The following KCNQ5 variants were observed in gnomAD, a reference collection of about 807,000 sequenced individuals.
KCNQ5 encodes the protein potassium voltage-gated channel subfamily KQT member 5.
A neutral mutation model predicts 98.2 loss-of-function variants in KCNQ5; 30 were observed. That is an observed-to-expected ratio of 0.31 (90% CI 0.23 to 0.41). KCNQ5 has a LOEUF of 0.41. Among genes scored for constraint, KCNQ5 ranks in the 10% least tolerant of loss-of-function variants. The pLI is 1.00. For synonymous variants in KCNQ5, 458 were observed against 449.4 expected (o/e 1.02, Z -0.24); for missense variants, 835 against 1,182.5 (o/e 0.71, Z 4.31).
chr6:73,194,769 T>C lies in KCNQ5; in HGVS notation c.2154T>C (p.Ile718=). 1 of 1,614,190 alleles carries C rather than the reference T, an allele frequency of 6.2e-7. No homozygotes were observed. Among genetic ancestry groups the C allele is most frequent in the Non-Finnish European group, 8.5e-7 (1 of 1,180,036 alleles). Residue 718 remains isoleucine, a synonymous_variant, in exon 14 of 14, where the codon ATT becomes ATC. Transcript: ENST00000370398. ...ACAGTCAAGCAACACAGGTGCCAAT[T>C]AGTCAAAGCGATGGCTCAGCAGTGG... is the stretch of plus-strand genomic sequence containing the variant. The part of the protein sequence containing the change: ...TMHSQATQVP[I]SQSDGSAVAA...
In KCNQ5 at chr6:72,957,629, C is replaced by G. The variant is rs35193921; in HGVS notation, c.399-46279C>G. On this transcript the variant is annotated intron_variant, in intron 1 of 13. Transcript: ENST00000370398. Reference sequence around the variant, plus strand: ...GGAGAGCCACTGGTCAGGGTGATCTCCCTGTTTCCTTCCATGTCTACACTG... The same window carrying G: ...GGAGAGCCACTGGTCAGGGTGATCTGCCTGTTTCCTTCCATGTCTACACTG... 5.5e-3 allele frequency among the ~76,000 whole-genome samples: 830 copies of G among 152,182 alleles called. 5 individuals carry two copies. Among genetic ancestry groups the G allele is most frequent in the Non-Finnish European group, 9.4e-3 (641 of 68,006 alleles).
chr6:72,640,468 T>G, intron 1 of KCNQ5, among the ~76,000 whole-genome samples: 1 of 152,290 alleles, frequency 6.6e-6, no homozygotes, highest in East Asian at 1.9e-4. Context: ...ATAAGTGAAT[T>G]AGCATAACAC....
At chr6:72,840,318 T>C (rs1344124534) in intron 1 of KCNQ5, among the ~76,000 whole-genome samples, 2 of 152,194 alleles carry the variant, frequency 1.3e-5, no homozygotes, top group South Asian at 2.1e-4. Flanking sequence ...ATTTTTAGTA[T>C]TTTAAAGATC....
chr6:72,744,747 G>A (rs1771295831), intron 1 of KCNQ5, among the ~76,000 whole-genome samples: 1 of 151,932 alleles, frequency 6.6e-6, no homozygotes, highest in African/African-American at 2.4e-5. Context: ...GGAGGCAGAG[G>A]TTGCAGTGAG....
At chr6:72,833,629 T>C (rs543797945) in intron 1 of KCNQ5, among the ~76,000 whole-genome samples, 48 of 152,292 alleles carry the variant, frequency 3.2e-4, no homozygotes, top group African/African-American at 1.2e-3. Context: ...ATTAACTTTA[T>C]AAATAGTGAG....
At position 72,980,671 on chromosome 6, in the gene KCNQ5, C is replaced by A. The variant is rs191170080; in HGVS notation, c.399-23237C>A. On this transcript the variant is annotated intron_variant, in intron 1 of 13. Transcript: ENST00000370398. ...CTAATTGAATACCTTTTATTGCTTT[C>A]TCTTGCCTGATTGCCCTGGCCAGAA... Among the ~76,000 whole-genome samples, 525 of 152,326 alleles carry A rather than the reference C, an allele frequency of 3.4e-3. 3 individuals carry two copies. The highest frequency in any genetic ancestry group is 5.3e-3 in the Non-Finnish European group (360 of 68,030).
chr6:73,138,744 T>C (rs1369404897), intron 10 of KCNQ5, among the ~76,000 whole-genome samples: 1 of 152,142 alleles, frequency 6.6e-6, no homozygotes, highest in South Asian at 2.1e-4. Flanking sequence ...GTTCAGGAGA[T>C]GTTTAGGGTT....
intron 1 of KCNQ5, among the ~76,000 whole-genome samples, chr6:72,769,613 T>C (rs1582255766): frequency 3.3e-5 from 5 of 152,124 alleles, no homozygotes; most frequent in African/African-American, 1.2e-4. Context: ...CAATTTCCTG[T>C]AGAAATGCAC....
At chr6:73,134,683 T>C (rs1194489687) in intron 10 of KCNQ5, 1 of 152,414 alleles carries the variant, frequency 6.6e-6, no homozygotes, top group Non-Finnish European at 1.5e-5. Flanking sequence ...GTGGGTGCCA[T>C]GCTCTTCAGG....
At chr6:73,119,833 C>CA (rs1562190134) in intron 7 of KCNQ5, among the ~76,000 whole-genome samples, 1 of 152,112 alleles carries the variant, frequency 6.6e-6, no homozygotes, top group Non-Finnish European at 1.5e-5. Flanking sequence ...AGCATTTAAC[C>CA]AGTCAATCAT....
intron 10 of KCNQ5, among the ~76,000 whole-genome samples, chr6:73,145,887 A>G (rs9446852): frequency 0.2 from 29,749 of 152,160 alleles, 8,182 homozygotes; most frequent in African/African-American, 0.61. Flanking sequence ...GAAGAGCGAA[A>G]GGGAAGGAAG....
chr6:72,875,191 A>G (rs565377723), intron 1 of KCNQ5, among the ~76,000 whole-genome samples: 3 of 152,356 alleles, frequency 2.0e-5, no homozygotes, highest in East Asian at 1.9e-4. Context: ...TGACAACCTC[A>G]TCACAGTGAA....
At chr6:72,624,764 A>C (rs1379698975) in intron 1 of KCNQ5, among the ~76,000 whole-genome samples, 1 of 152,240 alleles carries the variant, frequency 6.6e-6, no homozygotes, top group African/African-American at 2.4e-5. Context: ...TAGGGGTGCT[A>C]TATCCACATT....
intron 1 of KCNQ5, among the ~76,000 whole-genome samples, chr6:72,917,442 TTTTTA>T (rs1780196161): frequency 6.8e-6 from 1 of 147,382 alleles, no homozygotes; most frequent in Non-Finnish European, 1.5e-5. Context: ...CCCCACCATT[TTTTTA>T]TTTTTATTTT....
chr6:72,630,304 C>T (rs2098920109), intron 1 of KCNQ5, among the ~76,000 whole-genome samples: 1 of 152,156 alleles, frequency 6.6e-6, no homozygotes, highest in Non-Finnish European at 1.5e-5. Flanking sequence ...CAAACTCAGT[C>T]ATAGTGGTCA....
intron 1 of KCNQ5, among the ~76,000 whole-genome samples, chr6:72,793,615 C>G (rs1774173528): frequency 6.6e-6 from 1 of 152,124 alleles, no homozygotes; most frequent in Non-Finnish European, 1.5e-5. Flanking sequence ...TTTCAGAATA[C>G]TAGAGGGACA....
chr6:72,784,492 A>G (rs898173966), intron 1 of KCNQ5, among the ~76,000 whole-genome samples: 12 of 152,226 alleles, frequency 7.9e-5, no homozygotes, highest in African/African-American at 2.9e-4. Context: ...TGCAGGTAAT[A>G]GAAAATTAGA....
At chr6:72,632,960 C>T (rs2098921891) in intron 1 of KCNQ5, among the ~76,000 whole-genome samples, 1 of 152,158 alleles carries the variant, frequency 6.6e-6, no homozygotes, top group African/African-American at 2.4e-5. Context: ...AATGGGATTG[C>T]TGGGTGAAAT....
At chr6:72,673,749 G>C (rs1767260070) in intron 1 of KCNQ5, among the ~76,000 whole-genome samples, 3 of 152,198 alleles carry the variant, frequency 2.0e-5, no homozygotes, top group African/African-American at 7.2e-5. Context: ...CTTTCAAAGA[G>C]TTAGTTAGCT....
Sources: allele counts gnomAD v4.1 joint callset (sites outside exome capture counted in the v4.1 genomes callset), GRCh38; gene constraint gnomAD v4.1.1; transcripts MANE v1.5; gene names NCBI Gene and HGNC (gene_info 2026-07-23, HGNC 2026-07-21).